PTCD2: variants seen among roughly 807,000 people sequenced by gnomAD.
PTCD2 encodes the protein pentatricopeptide repeat-containing protein 2, mitochondrial.
PTCD2 carries 31 observed loss-of-function variants against 42.6 expected under a neutral mutation model. The observed-to-expected ratio is 0.73, with a 90% confidence interval of 0.55 to 0.98. The LOEUF is 0.98. PTCD2 is among the 50% of genes least tolerant of loss of function. PTCD2 has a pLI of 0.00. For synonymous variants in PTCD2, 183 were observed against 170.9 expected (o/e 1.07, Z -0.55); for missense variants, 476 against 454.8 (o/e 1.05, Z -0.42).
At chr5:72,349,188 C>T (rs1048076612) in intron 8 of PTCD2, among the ~76,000 whole-genome samples, 2 of 152,190 alleles carry the variant, frequency 1.3e-5, no homozygotes, top group Admixed American at 6.5e-5. Flanking sequence ...ATCTTTAACA[C>T]GTGACTTCCA....
intron 7 of PTCD2, among the ~76,000 whole-genome samples, chr5:72,339,624 C>A (rs1751948038): frequency 6.6e-6 from 1 of 151,990 alleles, no homozygotes; most frequent in South Asian, 2.1e-4. Flanking sequence ...ATTATTTTGT[C>A]TTCTTAGTCA....
At chr5:72,354,265 G>A (rs1404061365) in intron 9 of PTCD2, among the ~76,000 whole-genome samples, 1 of 151,546 alleles carries the variant, frequency 6.6e-6, no homozygotes, top group Non-Finnish European at 1.5e-5. Context: ...GCTGGGCGTG[G>A]TGGTGCATGC....
rs1753139590 is a variant in PTCD2, at chr5:72,363,604, G to T, written c.*5177G>T. ...GCTGATGCAGTGTTGGGCCCAGCAG[G>T]CCTTTTAGAGGGTCATGCCAGCACC... On this transcript the variant is annotated 3_prime_UTR_variant, in exon 10 of 10. Coordinates refer to ENST00000380639, the MANE Select transcript of PTCD2 (RefSeq NM_024754.5). The T allele has an allele frequency of 6.6e-6, 1 of 152,174 alleles. No homozygotes were observed. The highest frequency in any genetic ancestry group is 2.4e-5 in the African/African-American group (1 of 41,414). The allele number at this position is 152,174 out of a possible 1,614,324, so 9.4% of individuals were successfully genotyped here. A position where few individuals can be genotyped will look rare whatever the true frequency, so the allele number is the denominator to read the frequency against.
chr5:72,337,384 A>C (rs944588693), intron 6 of PTCD2, among the ~76,000 whole-genome samples: 1 of 147,506 alleles, frequency 6.8e-6, no homozygotes, highest in African/African-American at 2.5e-5. Context: ...CTAGGAGGCC[A>C]AAAAAAAAAC....
chr5:72,329,026 C>T (rs1361190121), intron 3 of PTCD2, among the ~76,000 whole-genome samples: 2 of 152,192 alleles, frequency 1.3e-5, no homozygotes, highest in African/African-American at 2.4e-5. Context: ...ATTTCAGTTT[C>T]ACAAAGTTAA....
chr5:72,353,020 C>T (rs1752697901), intron 9 of PTCD2, among the ~76,000 whole-genome samples: 1 of 152,226 alleles, frequency 6.6e-6, no homozygotes, highest in African/African-American at 2.4e-5. Flanking sequence ...CTCTCTTTTT[C>T]TTCTAGATGA....
intron 1 of PTCD2, chr5:72,321,179 G>A (rs1480793698): frequency 6.6e-6 from 1 of 152,182 alleles, no homozygotes; most frequent in African/African-American, 2.4e-5. Flanking sequence ...AAGACTTAAC[G>A]GCACGTTTCT....
At chr5:72,321,559 C>T (rs1190278442) in intron 1 of PTCD2, among the ~76,000 whole-genome samples, 1 of 152,216 alleles carries the variant, frequency 6.6e-6, no homozygotes, top group African/African-American at 2.4e-5. Flanking sequence ...TTCGGCCACG[C>T]TTGGTCCGTT....
At chr5:72,323,004 G>A (rs1191932364) in intron 2 of PTCD2, among the ~76,000 whole-genome samples, 1 of 152,098 alleles carries the variant, frequency 6.6e-6, no homozygotes, top group East Asian at 1.9e-4. Context: ...TTTAAAGTTA[G>A]TTGGGCGTGG....
chr5:72,355,705 T>G (rs1561398694), intron 9 of PTCD2, among the ~76,000 whole-genome samples: 1 of 152,328 alleles, frequency 6.6e-6, no homozygotes, highest in East Asian at 1.9e-4. Flanking sequence ...GTATCTCTCA[T>G]AGCATGTAAC....
intron 4 of PTCD2, among the ~76,000 whole-genome samples, chr5:72,333,858 T>C (rs902107930): frequency 2.0e-5 from 3 of 152,172 alleles, no homozygotes; most frequent in African/African-American, 4.8e-5. Context: ...TACTGTTTTT[T>C]GGGGTTTTTT....
intron 9 of PTCD2, among the ~76,000 whole-genome samples, chr5:72,355,443 GAAAT>G (rs1752829957): frequency 6.6e-6 from 1 of 152,082 alleles, no homozygotes; most frequent in Non-Finnish European, 1.5e-5. Context: ...AAAAAATTAA[GAAAT>G]AAAAGTTTTG....
Position 72,356,692 on chromosome 5 carries a change from G to A in PTCD2, c.943-1511G>A, listed in dbSNP as rs376320684. Among the ~76,000 whole-genome samples, 12 of 152,256 alleles carry A rather than the reference G, an allele frequency of 7.9e-5. No homozygotes were observed. The South Asian group carries it at 1.2e-3, about 16-fold the overall frequency. On this transcript the variant is annotated intron_variant, in intron 9 of 9. Coordinates refer to ENST00000380639, the MANE Select transcript of PTCD2 (RefSeq NM_024754.5). Reference sequence around the variant, plus strand: ...TTAGATCAAAATTACCTCCAGCTTGGCATGTTTGCTCTGCTGCTTTTAGAA... The same window carrying A: ...TTAGATCAAAATTACCTCCAGCTTGACATGTTTGCTCTGCTGCTTTTAGAA...
At chr5:72,353,425 T>C (rs1326979164) in intron 9 of PTCD2, among the ~76,000 whole-genome samples, 1 of 152,198 alleles carries the variant, frequency 6.6e-6, no homozygotes, top group African/African-American at 2.4e-5. Context: ...TATGTTTAGA[T>C]AAGAAGACCT....
intron 5 of PTCD2, 69 bp downstream of exon 5, chr5:72,335,165 A>T (rs1751664628): frequency 1.2e-6 from 1 of 868,538 alleles, no homozygotes; most frequent in Non-Finnish European, 1.9e-6. Context: ...TAGGGGGAAA[A>T]ATGAGTCATG....
chr5:72,358,963 A>G lies in PTCD2; in HGVS notation c.*536A>G, dbSNP rs564668113. ...CTATGTGTCTTTGCATATAGATTTG[A>G]AATCTTCATTCAAGGTTTAGTAGGA... On this transcript the variant is annotated 3_prime_UTR_variant, in exon 10 of 10. Coordinates refer to ENST00000380639, the MANE Select transcript of PTCD2 (RefSeq NM_024754.5). 6.5e-6 allele frequency: 1 copy of G among 153,856 alleles called. No individual in the cohort carries two copies. Among genetic ancestry groups the G allele is most frequent in the African/African-American group, 2.4e-5 (1 of 41,562 alleles). 9.5% of individuals were successfully genotyped at this position (153,856 alleles called of 1,614,324 possible).
rs753698364 is a variant in PTCD2 at position 72,322,157 on chromosome 5, T to C, written c.128-15T>C. 7.1e-7 allele frequency: 1 copy of C among 1,400,298 alleles called. No individual in the cohort carries two copies. The highest frequency in any genetic ancestry group is 1.0e-6 in the Non-Finnish European group (1 of 990,370). 86.7% of individuals were successfully genotyped at this position (1,400,298 alleles called of 1,614,324 possible). On this transcript the variant is annotated splice_polypyrimidine_tract_variant and intron_variant, in intron 1 of 9. Transcript: ENST00000380639. ...AGTCAAAATGACTTTACTTTTTTCT[T>C]TCTCTGATTTTTAGCTAAAAGATAC...
intron 1 of PTCD2, among the ~76,000 whole-genome samples, chr5:72,321,541 C>T (rs901427494): frequency 2.0e-5 from 3 of 152,232 alleles, no homozygotes; most frequent in Non-Finnish European, 2.9e-5. Flanking sequence ...TCTGTTAGTG[C>T]GTGATTCTTC....
At chr5:72,349,725 A>G (rs1752527727) in intron 8 of PTCD2, among the ~76,000 whole-genome samples, 1 of 152,160 alleles carries the variant, frequency 6.6e-6, no homozygotes, top group Non-Finnish European at 1.5e-5. Flanking sequence ...GGAAATCTGT[A>G]AGATTAAGGC....
Sources: gnomAD v4.1 joint callset for allele counts (sites outside exome capture counted in the v4.1 genomes callset) on GRCh38, gnomAD v4.1.1 for gene constraint, MANE v1.5 for transcripts, NCBI Gene and HGNC (gene_info 2026-07-23, HGNC 2026-07-21) for gene names.